The following PRPSAP2 variants were observed in gnomAD, a reference collection of about 807,000 sequenced individuals.
PRPSAP2 encodes the protein phosphoribosyl pyrophosphate synthase-associated protein 2.
Under a neutral mutation model 40.6 loss-of-function variants are expected in PRPSAP2, and 24 were observed. The observed-to-expected ratio is 0.59, with a 90% CI of 0.43 to 0.83. The LOEUF is 0.83. PRPSAP2 is among the 40% of genes least tolerant of loss of function. The pLI is 0.00. For synonymous variants in PRPSAP2, 149 were observed against 164.7 expected, an observed-to-expected ratio of 0.90 and a Z score of 0.73; for missense variants, 292 against 465.6, an observed-to-expected ratio of 0.63 and a Z score of 3.43.
At chr17:18,914,798 C>A (rs1214523136) in intron 9 of PRPSAP2, among the ~76,000 whole-genome samples, 3 of 151,132 alleles carry the variant, frequency 2.0e-5, no homozygotes, top group Non-Finnish European at 4.4e-5. Context: ...AATCTCGGCT[C>A]ACTGCAACCT....
rs181044001 is a variant in PRPSAP2, at chr17:18,921,677, C to A, written c.734-2237C>A. ...GCTACTGGCATCTAGTGAGTAGAGG[C>A]CAAACATGCTGCTAAACTTCTCACA... On this transcript the variant is annotated intron_variant, in intron 9 of 11. Coordinates refer to ENST00000268835, the MANE Select transcript of PRPSAP2 (RefSeq NM_002767.4). Among the ~76,000 whole-genome samples the A allele has an allele frequency of 1.1e-4, 17 of 152,142 alleles. No individual in the cohort carries two copies. In the East Asian group the frequency reaches 3.3e-3, roughly 29 times the overall value.
intron 8 of PRPSAP2, among the ~76,000 whole-genome samples, chr17:18,909,573 T>C (rs1186081011): frequency 6.6e-6 from 1 of 152,012 alleles, no homozygotes; most frequent in African/African-American, 2.4e-5. Flanking sequence ...GAGTTAAATA[T>C]ACACCTACTA....
At chr17:18,908,729 T>G in intron 8 of PRPSAP2, 1 of 726,222 alleles carries the variant, frequency 1.4e-6, no homozygotes, top group Non-Finnish European at 2.5e-6. Context: ...AAAACAAAGT[T>G]TGAAGAATGC....
chr17:18,865,801 G>T lies in PRPSAP2; in HGVS notation c.-32-1G>T. 1 of 1,438,148 alleles carries T rather than the reference G, an allele frequency of 7.0e-7. No homozygotes were observed. Among genetic ancestry groups the T allele is most frequent in the Non-Finnish European group, 9.3e-7 (1 of 1,077,764 alleles). 89.1% of individuals were successfully genotyped at this position (1,438,148 alleles called of 1,614,324 possible). On this transcript the variant is annotated splice_acceptor_variant, in intron 2 of 11. Transcript: ENST00000268835. LOFTEE classifies it low-confidence loss of function (5UTR_SPLICE). ...TTTTAATAAGTATTATATCCTTCTA[G>T]GCTCTGAAAATTGGAAAACCAAGAA... is the stretch of plus-strand genomic sequence containing the variant.
At chr17:18,861,156 A>T (rs909254653) in intron 1 of PRPSAP2, among the ~76,000 whole-genome samples, 1 of 152,158 alleles carries the variant, frequency 6.6e-6, no homozygotes, top group Non-Finnish European at 1.5e-5. Context: ...AGGAGAAAGG[A>T]GAACTAAAAC....
At chr17:18,927,524 G>A (rs2151977038) in intron 10 of PRPSAP2, among the ~76,000 whole-genome samples, 1 of 152,278 alleles carries the variant, frequency 6.6e-6, no homozygotes, top group East Asian at 1.9e-4. Flanking sequence ...TGGTATAGAG[G>A]TACCAGAGTT....
chr17:18,913,636 C>T (rs769226497), intron 9 of PRPSAP2, among the ~76,000 whole-genome samples: 53 of 148,910 alleles, frequency 3.6e-4, no homozygotes, highest in Admixed American at 6.7e-4. Context: ...GCAGTCTCAC[C>T]TCCTGGGCCC....
chr17:18,908,245 G>A (rs1165426876), intron 8 of PRPSAP2: 4 of 746,124 alleles, frequency 5.4e-6, no homozygotes, highest in Middle Eastern at 3.7e-4. Flanking sequence ...AGCCAGTGAC[G>A]ACCCACTCAG....
At chr17:18,895,714 C>A (rs187358163) in intron 8 of PRPSAP2, among the ~76,000 whole-genome samples, 1 of 152,044 alleles carries the variant, frequency 6.6e-6, no homozygotes, top group Non-Finnish European at 1.5e-5. Context: ...TGACCTCTGC[C>A]TCCTGGGTTC....
intron 5 of PRPSAP2, among the ~76,000 whole-genome samples, chr17:18,874,720 T>C (rs2038147226): frequency 6.6e-6 from 1 of 152,228 alleles, no homozygotes; most frequent in African/African-American, 2.4e-5. Context: ...CTGCTGCTGC[T>C]GTCCTCTTTC....
chr17:18,911,206 A>G lies in PRPSAP2; in HGVS notation c.688A>G (p.Met230Val), dbSNP rs1330834316. 5.0e-6 allele frequency: 8 copies of G among 1,613,602 alleles called. No homozygotes were observed. The highest frequency in any genetic ancestry group is 1.3e-5 in the African/African-American group (1 of 74,876). ...DLVDGRHSPPMVRSVAAIHPS... is the reference protein window; with the variant it reads ...DLVDGRHSPPVVRSVAAIHPS... ...GGTGGATGGACGGCATTCCCCACCC[A>G]TGGTCAGAAGTGTGGCTGCCATCCA... Residue 230 changes from methionine (M) to valine (V), a missense_variant, in exon 9 of 12, where the codon ATG becomes GTG. By Grantham distance (21) the Met-to-Val change is conservative. This residue lies in a region of PRPSAP2 where 241 missense variants were observed against 425.7 expected (regional missense o/e 0.57). Transcript: ENST00000268835. This position sits in a 1 kb window ranked among gnomAD's most constrained non-coding sequence, Gnocchi z 4.5.
At chr17:18,904,097 T>C (rs1330544252) in intron 8 of PRPSAP2, among the ~76,000 whole-genome samples, 1 of 152,184 alleles carries the variant, frequency 6.6e-6, no homozygotes, top group Non-Finnish European at 1.5e-5. Context: ...CCTTAGCCAG[T>C]CTTTGTGAGA....
intron 10 of PRPSAP2, among the ~76,000 whole-genome samples, chr17:18,927,275 T>C (rs2042025486): frequency 6.6e-6 from 1 of 152,216 alleles, no homozygotes; most frequent in African/African-American, 2.4e-5. Context: ...ACTGTTGCAC[T>C]GGGGAATAAG....
At chr17:18,866,546 G>A (rs1286891219) in intron 3 of PRPSAP2, among the ~76,000 whole-genome samples, 1 of 152,084 alleles carries the variant, frequency 6.6e-6, no homozygotes, top group East Asian at 1.9e-4. Context: ...GCAACAGAAC[G>A]AGACTCTGTC....
At chr17:18,914,327 A>G (rs890338140) in intron 9 of PRPSAP2, among the ~76,000 whole-genome samples, 4 of 120,788 alleles carry the variant, frequency 3.3e-5, no homozygotes, top group African/African-American at 1.3e-4. Flanking sequence ...GTGCGATCAG[A>G]TCTCACTGCA....
At chr17:18,915,264 G>A (rs1026933771) in intron 9 of PRPSAP2, among the ~76,000 whole-genome samples, 3 of 152,096 alleles carry the variant, frequency 2.0e-5, no homozygotes, top group African/African-American at 7.2e-5. Context: ...GGCTCAAAGC[G>A]ATCCTTCCAC....
At chr17:18,892,959 C>G (rs2039668245) in intron 8 of PRPSAP2, among the ~76,000 whole-genome samples, 1 of 151,624 alleles carries the variant, frequency 6.6e-6, no homozygotes, top group Non-Finnish European at 1.5e-5. Flanking sequence ...AATGCCTGTT[C>G]ACACCCTTTG....
At chr17:18,922,063 T>G (rs2041716745) in intron 9 of PRPSAP2, among the ~76,000 whole-genome samples, 1 of 152,234 alleles carries the variant, frequency 6.6e-6, no homozygotes, top group Non-Finnish European at 1.5e-5. Flanking sequence ...ACACTTCATA[T>G]AAACGGAATC....
intron 9 of PRPSAP2, among the ~76,000 whole-genome samples, chr17:18,921,957 C>T (rs1253192176): frequency 2.0e-5 from 3 of 152,094 alleles, no homozygotes; most frequent in African/African-American, 7.2e-5. Flanking sequence ...GGAAGAACAC[C>T]CTGCACCCAT....
Sources: gnomAD v4.1 joint callset for allele counts (sites outside exome capture counted in the v4.1 genomes callset) on GRCh38, gnomAD v4.1.1 for gene constraint, gnomAD v4.1.1 regional missense constraint, Gnocchi (gnomAD v3.1) non-coding constraint, MANE v1.5 for transcripts, NCBI Gene and HGNC (gene_info 2026-07-23, HGNC 2026-07-21) for gene names.